The following MYO1B variants were observed in gnomAD, a reference collection of about 807,000 sequenced individuals.
MYO1B encodes myosin IB.
MYO1B carries 72 observed loss-of-function variants against 159.7 expected under a neutral mutation model. The observed-to-expected ratio is 0.45, with a 90% CI of 0.37 to 0.55. MYO1B has a LOEUF of 0.55. MYO1B is among the 20% of genes least tolerant of loss of function. The pLI, the probability that MYO1B is intolerant of heterozygous loss-of-function variation, is 0.00. For missense variants in MYO1B, 1,062 were observed against 1,364.8 expected (o/e 0.78, Z 3.50); for synonymous variants, 468 against 473.8 (o/e 0.99, Z 0.16).
intron 2 of MYO1B, among the ~76,000 whole-genome samples, chr2:191,286,704 G>C (rs971044483): frequency 5.9e-5 from 9 of 152,100 alleles, no homozygotes; most frequent in African/African-American, 2.2e-4. Flanking sequence ...AGTCTGAGGC[G>C]GGCCGATTGC....
intron 1 of MYO1B, among the ~76,000 whole-genome samples, chr2:191,274,047 C>T (rs760549543): frequency 2.6e-5 from 4 of 152,198 alleles, no homozygotes; most frequent in Admixed American, 1.3e-4. Flanking sequence ...ACCCCCACAC[C>T]GTTTCCTTAG....
At chr2:191,259,375 C>T (rs1313480221) in intron 1 of MYO1B, among the ~76,000 whole-genome samples, 1 of 152,164 alleles carries the variant, frequency 6.6e-6, no homozygotes, top group Non-Finnish European at 1.5e-5. Context: ...GTGGGCCTAC[C>T]ACTCTAAAAG....
intron 4 of MYO1B, among the ~76,000 whole-genome samples, chr2:191,338,643 C>T (rs1007437514): frequency 1.3e-5 from 2 of 152,136 alleles, no homozygotes; most frequent in Admixed American, 1.3e-4. Context: ...TGATTTTCCC[C>T]CCACCACCAC....
At position 191,326,770 on chromosome 2, in the gene MYO1B, ATGTGTGTGTG is replaced by A. The variant is rs35184577; in HGVS notation, c.252-3128_252-3119del. 1.2e-3 allele frequency among the ~76,000 whole-genome samples: 166 copies of A among 137,150 alleles called. 1 individual carries two copies. The highest frequency in any genetic ancestry group is 0.012 in the South Asian group (47 of 4,046). 90.0% of individuals were successfully genotyped at this position (137,150 alleles called of 152,430 possible). Reference sequence around the variant, plus strand: ...CTTCCAAAGCCTTGTGTTTGTATATATGTGTGTGTGTGTGTGTGTGTGTGTGTGTGTGTGT... The same window carrying A: ...CTTCCAAAGCCTTGTGTTTGTATATATGTGTGTGTGTGTGTGTGTGTGTGT... On this transcript the variant is annotated intron_variant, in intron 3 of 30. Transcript: ENST00000392318.
At chr2:191,363,638 C>A (rs557830668) in intron 9 of MYO1B, 90 bp from the exon 10 acceptor site, 1 of 1,454,520 alleles carries the variant, frequency 6.9e-7, no homozygotes, top group African/African-American at 1.4e-5. Flanking sequence ...GGTTTTTTTC[C>A]CCAGAAATAA....
At chr2:191,329,845 A>G in intron 3 of MYO1B, 90 bp from the exon 4 acceptor site, 1 of 985,512 alleles carries the variant, frequency 1.0e-6, no homozygotes. Flanking sequence ...AGCATATCAC[A>G]GTGGCCCTTT....
intron 3 of MYO1B, among the ~76,000 whole-genome samples, chr2:191,299,965 A>G (rs1012731147): frequency 3.9e-5 from 6 of 152,216 alleles, no homozygotes; most frequent in African/African-American, 1.4e-4. Flanking sequence ...TTGTTGTAAT[A>G]ATAAGGTATG....
In MYO1B at chr2:191,341,454, T is replaced by C; in HGVS notation, c.347-7T>C. 1 of 1,610,206 alleles carries C rather than the reference T, an allele frequency of 6.2e-7. No homozygotes were observed. The highest frequency in any genetic ancestry group is 8.5e-7 in the Non-Finnish European group (1 of 1,178,396). ...TATTGATTAATATGGCTTATTTTCA[T>C]CCACAGAGGCCAGTAAGCTTGTCAT... On this transcript the variant is annotated splice_region_variant and splice_polypyrimidine_tract_variant and intron_variant, in intron 4 of 30. Transcript: ENST00000392318.
At chr2:191,377,466 G>A (rs1011080911) in intron 13 of MYO1B, 2 of 152,148 alleles carry the variant, frequency 1.3e-5, no homozygotes, top group Non-Finnish European at 2.9e-5. Flanking sequence ...TCATGAGCCT[G>A]ACACGTGGGA....
chr2:191,247,014 A>G (rs1469823164), intron 1 of MYO1B, among the ~76,000 whole-genome samples: 1 of 152,214 alleles, frequency 6.6e-6, no homozygotes, highest in Non-Finnish European at 1.5e-5. Context: ...AGACTCGCCA[A>G]AGGATTGGCT....
At chr2:191,370,814 C>G (rs1694316973) in intron 13 of MYO1B, 1 of 152,292 alleles carries the variant, frequency 6.6e-6, no homozygotes, top group African/African-American at 2.4e-5. Context: ...TGTGTTGAGT[C>G]TCATTACTGT....
intron 11 of MYO1B, among the ~76,000 whole-genome samples, chr2:191,368,867 G>A (rs529295893): frequency 1.4e-4 from 21 of 152,170 alleles, no homozygotes; most frequent in Non-Finnish European, 1.2e-4. Flanking sequence ...CCAGTCACTC[G>A]GGAGGCTGAG....
Position 191,400,477 on chromosome 2 carries a change from G to A in MYO1B, c.2382+9G>A, listed in dbSNP as rs562351612. The stretch of plus-strand genomic sequence containing the variant: ...ATTGGCATGGGACCCAGGTAGGCCC[G>A]AGACCCCAAGGAAGGCGGTGGGTCA... On this transcript the variant is annotated intron_variant, in intron 22 of 30. Coordinates refer to ENST00000392318, the MANE Select transcript of MYO1B (RefSeq NM_001130158.3). 85 of 1,614,082 alleles carry A rather than the reference G, an allele frequency of 5.3e-5. 1 individual carries two copies. In the South Asian group the frequency reaches 7.9e-4, roughly 15 times the overall value.
chr2:191,409,354 C>T (rs536402693), intron 26 of MYO1B, among the ~76,000 whole-genome samples, 176 bp downstream of exon 26: 13 of 152,346 alleles, frequency 8.5e-5, no homozygotes, highest in Admixed American at 5.9e-4. Flanking sequence ...GCCCCTGCAG[C>T]GGCCCAGGCG....
At chr2:191,400,967 T>G (rs945292510) in intron 23 of MYO1B, 132 bp downstream of exon 23, 13 of 800,904 alleles carry the variant, frequency 1.6e-5, no homozygotes, top group Non-Finnish European at 2.4e-5. Flanking sequence ...GCCGCCAGAT[T>G]TAACACACCT....
intron 6 of MYO1B, among the ~76,000 whole-genome samples, chr2:191,348,488 A>G (rs1463661092): frequency 6.6e-6 from 1 of 152,106 alleles, no homozygotes; most frequent in Admixed American, 6.5e-5. Flanking sequence ...TTGACAGAGT[A>G]ACCATTCTTT....
chr2:191,297,852 T>A (rs114267215), intron 3 of MYO1B, among the ~76,000 whole-genome samples: 5,336 of 152,150 alleles, frequency 0.035, 307 homozygotes, highest in African/African-American at 0.12. Flanking sequence ...GGTAGGAGGG[T>A]GCTTGCTGCC....
intron 21 of MYO1B, among the ~76,000 whole-genome samples, chr2:191,399,302 AGAGGGAGAGGG>A (rs1696454384): frequency 6.7e-6 from 1 of 148,366 alleles, no homozygotes; most frequent in Admixed American, 6.7e-5. Context: ...AGGGAGAGGG[AGAGGGAGAGGG>A]AGGAAGATGA....
intron 29 of MYO1B, among the ~76,000 whole-genome samples, chr2:191,415,198 T>C (rs930576724): frequency 6.6e-6 from 1 of 152,212 alleles, no homozygotes; most frequent in Non-Finnish European, 1.5e-5. Context: ...ATCTTTAAAA[T>C]GGGGATAGTA....
Sources: gnomAD v4.1 joint callset for allele counts (sites outside exome capture counted in the v4.1 genomes callset) on GRCh38, gnomAD v4.1.1 for gene constraint, MANE v1.5 for transcripts, NCBI Gene and HGNC (gene_info 2026-07-23, HGNC 2026-07-21) for gene names.